The following PDZRN4 variants were observed in gnomAD, a reference collection of about 807,000 sequenced individuals.
PDZRN4 encodes PDZ domain containing ring finger 4.
PDZRN4 carries 70 observed loss-of-function variants against 99.0 expected under a neutral mutation model. That is an observed-to-expected ratio of 0.71 (90% CI 0.58 to 0.86). PDZRN4 has a LOEUF of 0.86. Among genes scored for constraint, PDZRN4 ranks in the 40% least tolerant of loss-of-function variants. The probability of loss-of-function intolerance (pLI) is 0.00; values close to 1 mark genes in which losing one functional copy is unlikely to be tolerated. For synonymous variants in PDZRN4, 551 were observed against 501.6 expected (o/e 1.10, Z -1.32); for missense variants, 1,474 against 1,331.2 (o/e 1.11, Z -1.67).
chr12:41,249,773 A>G (rs953639612), intron 3 of PDZRN4, among the ~76,000 whole-genome samples: 10 of 152,118 alleles, frequency 6.6e-5, no homozygotes, highest in African/African-American at 2.4e-4. Flanking sequence ...CTGTTGACTT[A>G]CTCTGCACTA....
At chr12:41,398,028 T>C (rs1426337575) in intron 3 of PDZRN4, among the ~76,000 whole-genome samples, 1 of 152,138 alleles carries the variant, frequency 6.6e-6, no homozygotes, top group Non-Finnish European at 1.5e-5. Context: ...TATTAACCTG[T>C]TTGGATCTCT....
intron 3 of PDZRN4, among the ~76,000 whole-genome samples, chr12:41,270,725 G>A (rs975932): frequency 0.99 from 151,297 of 152,246 alleles, 75,181 homozygotes; most frequent in Middle Eastern, 1. Flanking sequence ...GATGCAGCCA[G>A]TTGGAAGAAA....
intron 3 of PDZRN4, among the ~76,000 whole-genome samples, chr12:41,269,495 A>T (rs544564724): frequency 6.6e-6 from 1 of 152,020 alleles, no homozygotes; most frequent in Non-Finnish European, 1.5e-5. Flanking sequence ...AATTACAAGG[A>T]AAAAAAAGGG....
chr12:41,421,472 C>T (rs1376895482), intron 3 of PDZRN4, among the ~76,000 whole-genome samples: 3 of 152,164 alleles, frequency 2.0e-5, no homozygotes, highest in Non-Finnish European at 4.4e-5. Context: ...GGATTACAGG[C>T]ATGAGCCACC....
At chr12:41,331,573 G>A (rs542093407) in intron 3 of PDZRN4, among the ~76,000 whole-genome samples, 53 of 152,068 alleles carry the variant, frequency 3.5e-4, no homozygotes, top group Non-Finnish European at 6.0e-4. Context: ...TATTAAGGAA[G>A]TTGGCATTCA....
intron 3 of PDZRN4, among the ~76,000 whole-genome samples, chr12:41,394,233 T>G (rs756120361): frequency 6.6e-6 from 1 of 152,028 alleles, no homozygotes; most frequent in East Asian, 1.9e-4. Context: ...CATGACCTAA[T>G]TATCTACCAA....
chr12:41,269,720 C>A (rs1431126), intron 3 of PDZRN4, among the ~76,000 whole-genome samples: 18,375 of 152,064 alleles, frequency 0.12, 1,951 homozygotes, highest in African/African-American at 0.28. Context: ...TCCACTGTAT[C>A]AGACTGTGTT....
chr12:41,234,842 C>T (rs1369957985), intron 3 of PDZRN4, among the ~76,000 whole-genome samples: 3 of 152,042 alleles, frequency 2.0e-5, no homozygotes, highest in Non-Finnish European at 4.4e-5. Context: ...CTGTCTCAGC[C>T]TTCAAAGATG....
At chr12:41,292,503 T>G (rs1159770430) in intron 3 of PDZRN4, among the ~76,000 whole-genome samples, 2 of 152,188 alleles carry the variant, frequency 1.3e-5, no homozygotes, top group African/African-American at 4.8e-5. Flanking sequence ...GGTTTTTTCT[T>G]GATTTGATCC....
intron 3 of PDZRN4, among the ~76,000 whole-genome samples, chr12:41,256,556 G>A (rs1336969109): frequency 1.3e-5 from 2 of 152,126 alleles, no homozygotes; most frequent in Non-Finnish European, 2.9e-5. Flanking sequence ...TTGACGTAAG[G>A]CAAAGAAAAG....
At chr12:41,260,582 A>G (rs1168863763) in intron 3 of PDZRN4, among the ~76,000 whole-genome samples, 3 of 152,160 alleles carry the variant, frequency 2.0e-5, no homozygotes, top group Admixed American at 6.5e-5. Flanking sequence ...ATTAGTAAAG[A>G]CACATTTCTT....
chr12:41,376,187 T>C (rs1476865437), intron 3 of PDZRN4, among the ~76,000 whole-genome samples: 1 of 152,176 alleles, frequency 6.6e-6, no homozygotes, highest in African/African-American at 2.4e-5. Flanking sequence ...GAACTGAACA[T>C]GGGAGTGCTG....
intron 3 of PDZRN4, among the ~76,000 whole-genome samples, chr12:41,375,894 C>G (rs1208372483): frequency 6.6e-6 from 1 of 152,124 alleles, no homozygotes; most frequent in Non-Finnish European, 1.5e-5. Flanking sequence ...ATCCTTTGAA[C>G]TTCTCATTTC....
chr12:41,304,421 A>G (rs1167623954), intron 3 of PDZRN4, among the ~76,000 whole-genome samples: 1 of 152,176 alleles, frequency 6.6e-6, no homozygotes, highest in African/African-American at 2.4e-5. Flanking sequence ...TGTTTTTTAA[A>G]TTATCTTCAC....
At chr12:41,306,707 C>A (rs907307307) in intron 3 of PDZRN4, among the ~76,000 whole-genome samples, 2 of 152,214 alleles carry the variant, frequency 1.3e-5, no homozygotes, top group Non-Finnish European at 2.9e-5. Flanking sequence ...TTTCTCTCTT[C>A]TTGAGTTTTG....
intron 3 of PDZRN4, among the ~76,000 whole-genome samples, chr12:41,390,226 C>G (rs187442522): frequency 1.1e-3 from 160 of 152,106 alleles, no homozygotes; most frequent in Non-Finnish European, 2.0e-3. Flanking sequence ...AGTATTACTG[C>G]CCAGAAGAGT....
chr12:41,424,765 TCAGGGATCTATTTCC>T (rs1952521497), intron 3 of PDZRN4, among the ~76,000 whole-genome samples: 2 of 152,152 alleles, frequency 1.3e-5, no homozygotes, highest in African/African-American at 2.4e-5. Flanking sequence ...AGATAGTGAG[TCAGGGATCTATTTCC>T]ACTATGTGAC....
At chr12:41,343,413 A>C (rs1297025041) in intron 3 of PDZRN4, among the ~76,000 whole-genome samples, 3 of 151,872 alleles carry the variant, frequency 2.0e-5, no homozygotes, top group Non-Finnish European at 4.4e-5. Context: ...TGTTTCATTT[A>C]CATTTTGTAT....
At chr12:41,215,134 C>T (rs1950912472) in intron 3 of PDZRN4, among the ~76,000 whole-genome samples, 2 of 152,010 alleles carry the variant, frequency 1.3e-5, no homozygotes, top group Non-Finnish European at 2.9e-5. Flanking sequence ...CAAAATGTTC[C>T]ACATCTCACC....
Sources: gnomAD v4.1 joint callset for allele counts (sites outside exome capture counted in the v4.1 genomes callset) on GRCh38, gnomAD v4.1.1 for gene constraint, MANE v1.5 for transcripts, NCBI Gene and HGNC (gene_info 2026-07-23, HGNC 2026-07-21) for gene names.